ADAM23: variants seen among roughly 807,000 people sequenced by gnomAD.
ADAM23 encodes the protein ADAM metallopeptidase domain 23.
A neutral mutation model predicts 120.1 loss-of-function variants in ADAM23; 33 were observed. The ratio of observed to expected loss-of-function variants is 0.27; its 90% CI spans 0.21 to 0.37. The LOEUF is 0.37. ADAM23 is among the 10% of genes least tolerant of loss of function. The pLI is 1.00. For synonymous variants in ADAM23, 367 were observed against 375.2 expected (o/e 0.98, Z 0.25); for missense variants, 862 against 1,058.2 (o/e 0.81, Z 2.57).
intron 24 of ADAM23, among the ~76,000 whole-genome samples, chr2:206,599,912 C>T (rs1698603632): frequency 6.6e-6 from 1 of 152,142 alleles, no homozygotes. Context: ...TCAAAAAATG[C>T]ATGTTGTGGC....
At chr2:206,444,807 AAG>A (rs1453367358) in intron 1 of ADAM23, among the ~76,000 whole-genome samples, 13 of 152,296 alleles carry the variant, frequency 8.5e-5, no homozygotes, top group African/African-American at 2.6e-4. Context: ...ATTTTGTTAA[AAG>A]AGTCGATTAA....
intron 3 of ADAM23, among the ~76,000 whole-genome samples, chr2:206,522,770 C>A (rs1272339840): frequency 6.6e-6 from 1 of 150,664 alleles, no homozygotes; most frequent in Admixed American, 6.6e-5. Context: ...GAAGATAGGC[C>A]TTTTTTATTT....
At chr2:206,602,240 A>G (rs1169071827) in intron 24 of ADAM23, among the ~76,000 whole-genome samples, 1 of 152,192 alleles carries the variant, frequency 6.6e-6, no homozygotes, top group Non-Finnish European at 1.5e-5. Context: ...AACTGAATTT[A>G]TTTTGTTTCA....
At chr2:206,584,815 G>C (rs957227309) in intron 18 of ADAM23, among the ~76,000 whole-genome samples, 1 of 152,174 alleles carries the variant, frequency 6.6e-6, no homozygotes, top group Non-Finnish European at 1.5e-5. Flanking sequence ...TCTCCCTGTG[G>C]AGTTTTACCC....
chr2:206,560,002 G>A lies in ADAM23; in HGVS notation c.1053G>A (p.Glu351=). ...LNTRVVLVAV[E]TWTEKDQIDI... ...CCAGGGTTGTCCTGGTGGCTGTAGA[G>A]ACCTGGACTGAGAAGGATCAGATTG... The change falls in exon 11 of 26, where the codon GAG becomes GAA. Residue 351 remains glutamate (E), a synonymous_variant. Transcript: ENST00000264377. 2 of 1,614,128 alleles carry A rather than the reference G, an allele frequency of 1.2e-6. No individual in the cohort carries two copies. The highest frequency in any genetic ancestry group is 1.7e-6 in the Non-Finnish European group (2 of 1,180,004).
intron 2 of ADAM23, among the ~76,000 whole-genome samples, chr2:206,450,804 T>C (rs889887223): frequency 3.9e-5 from 6 of 152,244 alleles, no homozygotes; most frequent in Admixed American, 2.6e-4. Flanking sequence ...AAATCAGATT[T>C]ACACATAGTA....
chr2:206,565,145 CG>C (rs2105825947), intron 14 of ADAM23, 77 bp downstream of exon 14: 3 of 1,335,610 alleles, frequency 2.2e-6, no homozygotes, highest in Admixed American at 3.4e-5. Context: ...CAAGGTCTCT[CG>C]GGTATTGGTC....
At chr2:206,457,938 T>C (rs1321223887) in intron 2 of ADAM23, among the ~76,000 whole-genome samples, 1 of 152,240 alleles carries the variant, frequency 6.6e-6, no homozygotes, top group Non-Finnish European at 1.5e-5. Flanking sequence ...TTTAAACTTT[T>C]TGTCAGCATG....
chr2:206,603,388 G>A (rs550900393), intron 24 of ADAM23, among the ~76,000 whole-genome samples: 4 of 152,200 alleles, frequency 2.6e-5, no homozygotes, highest in East Asian at 3.9e-4. Context: ...AAGCAGAATC[G>A]ACAAAAAGAA....
intron 2 of ADAM23, among the ~76,000 whole-genome samples, chr2:206,458,771 C>T (rs1365785570): frequency 6.6e-6 from 1 of 152,172 alleles, no homozygotes; most frequent in East Asian, 1.9e-4. Flanking sequence ...ATCCACCCAC[C>T]TCCTCTCTTT....
chr2:206,447,613 G>A (rs1474690965), intron 2 of ADAM23, among the ~76,000 whole-genome samples: 2 of 152,324 alleles, frequency 1.3e-5, no homozygotes, highest in Non-Finnish European at 2.9e-5. Flanking sequence ...TCTGCTTTCT[G>A]CTGTATCTTA....
chr2:206,469,338 G>C (rs1695606992), intron 2 of ADAM23, among the ~76,000 whole-genome samples: 1 of 152,090 alleles, frequency 6.6e-6, no homozygotes, highest in South Asian at 2.1e-4. Context: ...AGACATTTTA[G>C]AGTTTTCTTG....
At chr2:206,445,189 C>T (rs531337368) in intron 1 of ADAM23, 118 bp from the exon 2 acceptor site, 11 of 732,412 alleles carry the variant, frequency 1.5e-5, no homozygotes, top group Non-Finnish European at 2.5e-5. Flanking sequence ...AAATAGAAAA[C>T]TTTGTGTTTG....
At chr2:206,603,680 A>T (rs1698680019) in intron 24 of ADAM23, among the ~76,000 whole-genome samples, 1 of 152,190 alleles carries the variant, frequency 6.6e-6, no homozygotes. Context: ...CTCTGTAGAA[A>T]TGTCTCGTCC....
At chr2:206,570,834 A>G in intron 16 of ADAM23, 23 bp downstream of exon 16, 1 of 1,596,312 alleles carries the variant, frequency 6.3e-7, no homozygotes, top group Non-Finnish European at 8.6e-7. Context: ...AACCTTCTAT[A>G]CTTACAGCAC....
chr2:206,458,882 C>G (rs1280460636), intron 2 of ADAM23, among the ~76,000 whole-genome samples: 3 of 152,066 alleles, frequency 2.0e-5, no homozygotes, highest in Non-Finnish European at 2.9e-5. Flanking sequence ...AAAACCATGA[C>G]AAATAGAATA....
chr2:206,545,334 A>G (rs1033655535), intron 6 of ADAM23, among the ~76,000 whole-genome samples: 3 of 152,100 alleles, frequency 2.0e-5, no homozygotes, highest in African/African-American at 4.8e-5. Flanking sequence ...AAAAATACAA[A>G]AATTAGCTGG....
At chr2:206,452,228 G>C (rs916462889) in intron 2 of ADAM23, among the ~76,000 whole-genome samples, 10 of 152,196 alleles carry the variant, frequency 6.6e-5, no homozygotes, top group Non-Finnish European at 2.9e-5. Flanking sequence ...TTGGGCATTT[G>C]AGTTTGGATC....
chr2:206,542,258 A>C, intron 5 of ADAM23, 124 bp downstream of exon 5: 1 of 902,192 alleles, frequency 1.1e-6, no homozygotes. Context: ...GGAGTGGTGC[A>C]CAAGGAGGGC....
Sources: gnomAD v4.1 joint callset for allele counts (sites outside exome capture counted in the v4.1 genomes callset) on GRCh38, gnomAD v4.1.1 for gene constraint, MANE v1.5 for transcripts, NCBI Gene and HGNC (gene_info 2026-07-23, HGNC 2026-07-21) for gene names.